DERA: variants seen among roughly 807,000 people sequenced by gnomAD.
DERA encodes 2-deoxy-D-ribose 5-phosphate aldolase.
Under a neutral mutation model 41.1 loss-of-function variants are expected in DERA, and 15 were observed. The observed-to-expected ratio is 0.37, with a 90% confidence interval of 0.24 to 0.56. The LOEUF is 0.56. DERA is among the 20% of genes least tolerant of loss of function. DERA has a pLI of 0.81. For missense variants in DERA, 396 were observed against 403.4 expected (o/e 0.98, Z 0.16); for synonymous variants, 139 against 137.4 (o/e 1.01, Z -0.08).
intron 5 of DERA, among the ~76,000 whole-genome samples, chr12:15,977,019 C>G (rs368256641): frequency 1.2e-4 from 19 of 152,168 alleles, no homozygotes; most frequent in African/African-American, 4.6e-4. Context: ...TCTGAATTAC[C>G]TTGGAACAAA....
intron 1 of DERA, among the ~76,000 whole-genome samples, chr12:15,950,886 G>A (rs1948492929): frequency 1.3e-5 from 2 of 152,204 alleles, no homozygotes; most frequent in Admixed American, 6.5e-5. Context: ...AGCCTCCAGT[G>A]GTGTCTGGCA....
chr12:15,955,191 T>C (rs1438419866), intron 1 of DERA, among the ~76,000 whole-genome samples: 1 of 151,986 alleles, frequency 6.6e-6, no homozygotes, highest in Non-Finnish European at 1.5e-5. Flanking sequence ...CCCTGGCTCC[T>C]TGGGAGGCTG....
At chr12:15,917,896 T>C (rs908371513) in intron 1 of DERA, among the ~76,000 whole-genome samples, 2 of 152,162 alleles carry the variant, frequency 1.3e-5, no homozygotes, top group African/African-American at 2.4e-5. Context: ...GGTATGCTCA[T>C]TGTGATGGGT....
Position 16,021,749 on chromosome 12 carries a change from T to C in DERA, c.638-10793T>C, listed in dbSNP as rs990959908. Among the ~76,000 whole-genome samples the C allele has an allele frequency of 6.6e-6, 1 of 152,254 alleles. No homozygotes were observed. Among genetic ancestry groups the C allele is most frequent in the African/African-American group, 2.4e-5 (1 of 41,468 alleles). On this transcript the variant is annotated intron_variant, in intron 6 of 8. Coordinates refer to ENST00000428559, the MANE Select transcript of DERA (RefSeq NM_015954.4). The surrounding 1 kb of genome is among the most constrained non-coding windows in gnomAD (Gnocchi z 5.3). ...CTTTAAGACTTAATGACTGCCCTGC[T>C]GAGTTTGGGGCTTGTATGAGGCCTA...
At chr12:15,927,524 T>A (rs1225699373) in intron 1 of DERA, among the ~76,000 whole-genome samples, 1 of 152,134 alleles carries the variant, frequency 6.6e-6, no homozygotes, top group Admixed American at 6.6e-5. Flanking sequence ...AATATTTGCT[T>A]AAAAAGTTAG....
intron 1 of DERA, among the ~76,000 whole-genome samples, chr12:15,945,437 G>A (rs916864816): frequency 6.6e-6 from 1 of 152,138 alleles, no homozygotes; most frequent in Non-Finnish European, 1.5e-5. Context: ...CCTTGAAGAG[G>A]TCCTTCACAT....
chr12:15,991,397 C>T (rs992777148), intron 6 of DERA, among the ~76,000 whole-genome samples: 11 of 152,170 alleles, frequency 7.2e-5, no homozygotes, highest in African/African-American at 2.7e-4. Flanking sequence ...TTCTCCCATT[C>T]TGTAGGTTGT....
chr12:15,936,063 G>C lies in DERA; in HGVS notation c.32-20873G>C, dbSNP rs575460365. Among the ~76,000 whole-genome samples, 1 of 152,144 alleles carries C rather than the reference G, an allele frequency of 6.6e-6. No homozygotes were observed. Among genetic ancestry groups the C allele is most frequent in the African/African-American group, 2.4e-5 (1 of 41,420 alleles). Reference sequence around the variant, plus strand: ...CTTATGACATGGCAGCTGGCTTCTCGAGTGATCCAAGTAGGAAGGCAAAAG... The same window carrying C: ...CTTATGACATGGCAGCTGGCTTCTCCAGTGATCCAAGTAGGAAGGCAAAAG... On this transcript the variant is annotated intron_variant, in intron 1 of 8. Transcript: ENST00000428559. The surrounding 1 kb of genome is among the most constrained non-coding windows in gnomAD (Gnocchi z 4.6).
chr12:15,983,057 T>TGACAC lies in DERA; in HGVS notation c.637+622_637+626dup, dbSNP rs1256410615. On this transcript the variant is annotated intron_variant, in intron 6 of 8. Coordinates refer to ENST00000428559, the MANE Select transcript of DERA (RefSeq NM_015954.4). This position sits in a 1 kb window ranked among gnomAD's most constrained non-coding sequence, Gnocchi z 6.2. ...TCTCTCTAGACCTCTTTGCTGTGTC[T>TGACAC]GACACATCTTCCCTCCATTCTAAGT... Among the ~76,000 whole-genome samples, 1 of 152,204 alleles carries TGACAC rather than the reference T, an allele frequency of 6.6e-6. No individual in the cohort carries two copies. Among genetic ancestry groups the TGACAC allele is most frequent in the Non-Finnish European group, 1.5e-5 (1 of 68,030 alleles).
In DERA at chr12:15,976,714, C is replaced by A. The variant is rs908957317; in HGVS notation, c.509-5594C>A. Among the ~76,000 whole-genome samples the A allele has an allele frequency of 5.9e-5, 9 of 152,154 alleles. No homozygotes were observed. The highest frequency in any genetic ancestry group is 1.2e-4 in the Non-Finnish European group (8 of 68,036). ...GATCTGAAGGAAAAATGATTGATTA[C>A]CTTCCTAACCGTTTTAATACTTTTA... On this transcript the variant is annotated intron_variant, in intron 5 of 8. Coordinates refer to ENST00000428559, the MANE Select transcript of DERA (RefSeq NM_015954.4). This position sits in a 1 kb window ranked among gnomAD's most constrained non-coding sequence, Gnocchi z 4.1.
rs1364862128 is a variant in DERA at position 15,931,146 on chromosome 12, C to T, written c.31+19732C>T. ...TTTATTGTTTGCGGATCTGTTTTAG[C>T]ATGCAAGTATTCTTGCAGTCACTCT... On this transcript the variant is annotated intron_variant, in intron 1 of 8. Transcript: ENST00000428559. The surrounding 1 kb of genome is among the most constrained non-coding windows in gnomAD (Gnocchi z 4.6). Among the ~76,000 whole-genome samples the T allele has an allele frequency of 6.6e-6, 1 of 152,204 alleles. No homozygotes were observed. Among genetic ancestry groups the T allele is most frequent in the Non-Finnish European group, 1.5e-5 (1 of 68,030 alleles).
intron 5 of DERA, among the ~76,000 whole-genome samples, chr12:15,968,181 C>A (rs147713949): frequency 6.6e-6 from 1 of 151,302 alleles, no homozygotes; most frequent in Non-Finnish European, 1.5e-5. Context: ...CAACAATGTA[C>A]GTAAATTCAT....
At chr12:15,946,918 A>G (rs1948455280) in intron 1 of DERA, among the ~76,000 whole-genome samples, 1 of 152,188 alleles carries the variant, frequency 6.6e-6, no homozygotes, top group Admixed American at 6.5e-5. Flanking sequence ...AGATTCTGGT[A>G]TGTTATAACT....
Position 16,000,245 on chromosome 12 carries a change from A to G in DERA, c.637+17809A>G, listed in dbSNP as rs1423542007. On this transcript the variant is annotated intron_variant, in intron 6 of 8. Coordinates refer to ENST00000428559, the MANE Select transcript of DERA (RefSeq NM_015954.4). The surrounding 1 kb of genome is among the most constrained non-coding windows in gnomAD (Gnocchi z 4.8). ...AAGACCTGCACCCGTTCATTCTATTATTGGTTTATTGCAGAACATAGCGCA... is the reference window on the plus strand; with the variant it reads ...AAGACCTGCACCCGTTCATTCTATTGTTGGTTTATTGCAGAACATAGCGCA... 6.6e-6 allele frequency among the ~76,000 whole-genome samples: 1 copy of G among 152,108 alleles called. No individual in the cohort carries two copies. The highest frequency in any genetic ancestry group is 1.5e-5 in the Non-Finnish European group (1 of 68,028).
intron 5 of DERA, among the ~76,000 whole-genome samples, chr12:15,975,867 A>G (rs1297417571): frequency 1.3e-5 from 2 of 152,232 alleles, no homozygotes; most frequent in African/African-American, 2.4e-5. Flanking sequence ...CAGCTTTGGA[A>G]TCAGTCATTT....
chr12:15,935,593 T>A lies in DERA; in HGVS notation c.32-21343T>A, dbSNP rs1171170746. Reference sequence around the variant, plus strand: ...ACCAGTTTCAGTGTAATTTGATTTATTTATTTTTATTAGTGGGATTTTAAA... The same window carrying A: ...ACCAGTTTCAGTGTAATTTGATTTAATTATTTTTATTAGTGGGATTTTAAA... On this transcript the variant is annotated intron_variant, in intron 1 of 8. Coordinates refer to ENST00000428559, the MANE Select transcript of DERA (RefSeq NM_015954.4). The surrounding 1 kb of genome is among the most constrained non-coding windows in gnomAD (Gnocchi z 4.8). 6.6e-6 allele frequency among the ~76,000 whole-genome samples: 1 copy of A among 152,246 alleles called. No homozygotes were observed. The highest frequency in any genetic ancestry group is 1.9e-4 in the East Asian group (1 of 5,202).
intron 4 of DERA, among the ~76,000 whole-genome samples, chr12:15,960,890 T>C (rs1457125378): frequency 6.6e-6 from 1 of 152,152 alleles, no homozygotes; most frequent in Middle Eastern, 3.2e-3. Context: ...TGGAAAAGGT[T>C]TGCTGTTGTT....
At chr12:15,987,284 T>C in intron 6 of DERA, among the ~76,000 whole-genome samples, 1 of 146,524 alleles carries the variant, frequency 6.8e-6, no homozygotes, top group East Asian at 2.0e-4. Context: ...TCACCCAGGC[T>C]GGAGTGCAAT....
rs1948806861 is a variant in DERA, at chr12:15,992,188, C to T, written c.637+9752C>T. ...ATAGTAGAGCCTAAGAATATATTTCCATATACACCAATGAATGAGTGAAAG... is the reference window on the plus strand; with the variant it reads ...ATAGTAGAGCCTAAGAATATATTTCTATATACACCAATGAATGAGTGAAAG... On this transcript the variant is annotated intron_variant, in intron 6 of 8. Coordinates refer to ENST00000428559, the MANE Select transcript of DERA (RefSeq NM_015954.4). The surrounding 1 kb of genome is among the most constrained non-coding windows in gnomAD (Gnocchi z 4.3). 6.6e-6 allele frequency among the ~76,000 whole-genome samples: 1 copy of T among 151,688 alleles called. No homozygotes were observed. Among genetic ancestry groups the T allele is most frequent in the African/African-American group, 2.4e-5 (1 of 41,286 alleles).
Sources: gnomAD v4.1 joint callset for allele counts (sites outside exome capture counted in the v4.1 genomes callset) on GRCh38, gnomAD v4.1.1 for gene constraint, Gnocchi (gnomAD v3.1) non-coding constraint, MANE v1.5 for transcripts, NCBI Gene and HGNC (gene_info 2026-07-23, HGNC 2026-07-21) for gene names.